SLC25A21: variants seen among roughly 807,000 people sequenced by gnomAD.
The protein encoded by SLC25A21 is solute carrier family 25 member 21.
Under a neutral mutation model 43.8 loss-of-function variants are expected in SLC25A21, and 47 were observed. That is an observed-to-expected ratio of 1.07 (90% CI 0.85 to 1.37). The LOEUF (loss-of-function observed/expected upper bound fraction) is 1.37, where lower values mean the gene tolerates loss of function less well. Among genes scored for constraint, SLC25A21 ranks in the 40% most tolerant of loss-of-function variants. The probability of loss-of-function intolerance (pLI) is 0.00; values close to 1 mark genes in which losing one functional copy is unlikely to be tolerated. For missense variants in SLC25A21, 352 were observed against 350.2 expected (o/e 1.00, Z -0.04); for synonymous variants, 131 against 121.3 (o/e 1.08, Z -0.52).
At chr14:36,977,954 TA>T (rs36000189) in intron 1 of SLC25A21, among the ~76,000 whole-genome samples, 36,037 of 120,588 alleles carry the variant, frequency 0.3, 4,344 homozygotes, top group South Asian at 0.37. Flanking sequence ...TTTTTTTTTT[TA>T]AAAAAAAAAA....
intron 1 of SLC25A21, among the ~76,000 whole-genome samples, chr14:37,033,078 C>T (rs1372416452): frequency 6.6e-6 from 1 of 152,058 alleles, no homozygotes; most frequent in Non-Finnish European, 1.5e-5. Flanking sequence ...TCTACAGAAC[C>T]TTTTCATCTT....
intron 1 of SLC25A21, among the ~76,000 whole-genome samples, chr14:36,943,928 T>A (rs902829074): frequency 6.6e-6 from 1 of 152,068 alleles, no homozygotes; most frequent in Non-Finnish European, 1.5e-5. Flanking sequence ...AAAAAATACA[T>A]AGTAAAAGAT....
intron 1 of SLC25A21, among the ~76,000 whole-genome samples, chr14:36,995,417 T>A (rs959764593): frequency 1.3e-5 from 2 of 152,126 alleles, no homozygotes; most frequent in Non-Finnish European, 2.9e-5. Flanking sequence ...AGAGAGAACA[T>A]GACAAAAAAA....
intron 1 of SLC25A21, among the ~76,000 whole-genome samples, chr14:37,138,342 A>C (rs904815355): frequency 6.6e-6 from 1 of 152,202 alleles, no homozygotes; most frequent in African/African-American, 2.4e-5. Flanking sequence ...TCATATTCAA[A>C]ATTTATAAGA....
intron 2 of SLC25A21, among the ~76,000 whole-genome samples, chr14:36,843,809 T>C (rs549063987): frequency 6.6e-6 from 1 of 152,312 alleles, no homozygotes; most frequent in East Asian, 1.9e-4. Flanking sequence ...ATTTCCCCAA[T>C]TGTCCCAATA....
chr14:36,871,837 G>A (rs547573269), intron 2 of SLC25A21, among the ~76,000 whole-genome samples: 2 of 151,786 alleles, frequency 1.3e-5, no homozygotes, highest in South Asian at 4.2e-4. Flanking sequence ...ACACTTTATT[G>A]TTTTATTCTG....
rs76060696 is a variant in SLC25A21, at chr14:37,141,514, A to C, written c.70+30767T>G. Among the ~76,000 whole-genome samples the C allele has an allele frequency of 6.3e-3, 959 of 152,290 alleles. 6 individuals are homozygous for C. The highest frequency in any genetic ancestry group is 0.02 in the African/African-American group (827 of 41,566). On this transcript the variant is annotated intron_variant, in intron 1 of 9. Transcript: ENST00000331299. ...TTTCAATTAACTGCGTTTTTAAAAAAAAAACTGAAATATAAAAATAATTTT... is the reference window on the plus strand; with the variant it reads ...TTTCAATTAACTGCGTTTTTAAAAACAAAACTGAAATATAAAAATAATTTT...
intron 1 of SLC25A21, among the ~76,000 whole-genome samples, chr14:37,138,255 AAAAG>A (rs1377252909): frequency 9.2e-5 from 14 of 152,212 alleles, no homozygotes; most frequent in African/African-American, 3.1e-4. Flanking sequence ...GATACGAAGA[AAAAG>A]AAAAACAACA....
chr14:37,035,239 C>T (rs1489802569), intron 1 of SLC25A21, among the ~76,000 whole-genome samples: 2 of 152,178 alleles, frequency 1.3e-5, no homozygotes, highest in Non-Finnish European at 2.9e-5. Context: ...AGTTTCACAA[C>T]TCAGTCCTCT....
rs150408012 is a variant in SLC25A21 at position 36,847,314 on chromosome 14, C to T, written c.119+27642G>A. On this transcript the variant is annotated intron_variant, in intron 2 of 9. Transcript: ENST00000331299. ...TAGATAATTCCATTAAAATACCCAG[C>T]CATCAGAGATGTAAACATTTTTCAA... Among the ~76,000 whole-genome samples, 796 of 152,180 alleles carry T rather than the reference C, an allele frequency of 5.2e-3. 1 individual carries two copies. Among genetic ancestry groups the T allele is most frequent in the African/African-American group, 0.017 (715 of 41,510 alleles).
intron 1 of SLC25A21, among the ~76,000 whole-genome samples, chr14:36,970,124 A>AT (rs1024799345): frequency 7.2e-5 from 11 of 152,322 alleles, no homozygotes; most frequent in African/African-American, 2.6e-4. Flanking sequence ...TATATCAGTG[A>AT]TTTTTTAATT....
At chr14:36,993,906 CAAAAT>C (rs1960316813) in intron 1 of SLC25A21, among the ~76,000 whole-genome samples, 1 of 152,040 alleles carries the variant, frequency 6.6e-6, no homozygotes, top group African/African-American at 2.4e-5. Flanking sequence ...ACAACAACAA[CAAAAT>C]AAGTCTAAAA....
intron 1 of SLC25A21, among the ~76,000 whole-genome samples, chr14:36,965,452 T>G (rs1170433452): frequency 1.3e-5 from 2 of 152,172 alleles, no homozygotes; most frequent in Non-Finnish European, 2.9e-5. Context: ...AAACTTAAAT[T>G]TCTTCATGTT....
At position 36,854,928 on chromosome 14, in the gene SLC25A21, T is replaced by G. The variant is rs187135195; in HGVS notation, c.119+20028A>C. Among the ~76,000 whole-genome samples the G allele has an allele frequency of 4.9e-3, 493 of 100,452 alleles. 1 individual carries two copies. The highest frequency in any genetic ancestry group is 0.02 in the African/African-American group (441 of 21,602). The allele number at this position is 100,452 out of a possible 152,430, so 65.9% of individuals were successfully genotyped here. A position where few individuals can be genotyped will look rare whatever the true frequency, so the allele number is the denominator to read the frequency against. On this transcript the variant is annotated intron_variant, in intron 2 of 9. Transcript: ENST00000331299. ...GTGTCTTTTGTTCTTTTCTGGGGCA[T>G]GAGGTGGGGGGGGGTATTCTGCCAT...
chr14:36,797,380 G>C (rs1170105736), intron 3 of SLC25A21, among the ~76,000 whole-genome samples: 1 of 152,092 alleles, frequency 6.6e-6, no homozygotes, highest in East Asian at 1.9e-4. Context: ...GGCTCCTTAA[G>C]ACTCCTTAAA....
At chr14:36,764,099 GGAAGGAAGGAAGGAAA>G (rs1566587743) in intron 3 of SLC25A21, among the ~76,000 whole-genome samples, 5 of 29,212 alleles carry the variant, frequency 1.7e-4, no homozygotes, top group Non-Finnish European at 2.3e-4. Flanking sequence ...AAGGAAGGAA[GGAAGGAAGGAAGGAAA>G]GAAGGAAAGA....
chr14:36,838,893 T>C (rs747912311), intron 2 of SLC25A21, among the ~76,000 whole-genome samples: 2 of 152,338 alleles, frequency 1.3e-5, no homozygotes, highest in African/African-American at 2.4e-5. Context: ...TCTACCAGCC[T>C]CTTAATGGAA....
chr14:37,125,253 T>C (rs762718521), intron 1 of SLC25A21, among the ~76,000 whole-genome samples: 1 of 152,136 alleles, frequency 6.6e-6, no homozygotes, highest in Non-Finnish European at 1.5e-5. Context: ...AAAGAACAAA[T>C]GGCATCTGCA....
intron 8 of SLC25A21, 32 bp from the exon 9 acceptor site, chr14:36,683,912 A>T: frequency 6.5e-7 from 1 of 1,549,382 alleles, no homozygotes; most frequent in Non-Finnish European, 8.8e-7. Flanking sequence ...AAACGTTCTT[A>T]TTCTGAAAAT....
Sources: gnomAD v4.1 joint callset for allele counts (sites outside exome capture counted in the v4.1 genomes callset) on GRCh38, gnomAD v4.1.1 for gene constraint, MANE v1.5 for transcripts, NCBI Gene and HGNC (gene_info 2026-07-23, HGNC 2026-07-21) for gene names.